CCDC85A: variants seen among roughly 807,000 people sequenced by gnomAD.
The protein encoded by CCDC85A is coiled-coil domain containing 85A.
Under a neutral mutation model 50.2 loss-of-function variants are expected in CCDC85A, and 38 were observed. The ratio of observed to expected loss-of-function variants is 0.76; its 90% CI spans 0.58 to 0.99. The LOEUF (loss-of-function observed/expected upper bound fraction) is 0.99, where lower values mean the gene tolerates loss of function less well. Among genes scored for constraint, CCDC85A ranks in the 50% least tolerant of loss-of-function variants. CCDC85A has a pLI of 0.00. For missense variants in CCDC85A, 820 were observed against 742.0 expected (o/e 1.11, Z -1.22); for synonymous variants, 366 against 301.4 (o/e 1.21, Z -2.22).
chr2:56,319,181 T>A (rs1034471236), intron 2 of CCDC85A, among the ~76,000 whole-genome samples: 3 of 152,094 alleles, frequency 2.0e-5, no homozygotes, highest in Admixed American at 2.0e-4. Flanking sequence ...TCTTTGGTGA[T>A]TTACACATAG....
At chr2:56,303,853 G>T (rs1352376505) in intron 2 of CCDC85A, among the ~76,000 whole-genome samples, 2 of 152,140 alleles carry the variant, frequency 1.3e-5, no homozygotes, top group Non-Finnish European at 1.5e-5. Flanking sequence ...CAATATGTTG[G>T]TTGATGTGAG....
In CCDC85A at chr2:56,184,022, T is replaced by G. The variant is rs960490; in HGVS notation, c.-603T>G. The G allele has an allele frequency of 3.0e-6, 3 of 985,322 alleles. No homozygotes were observed. The highest frequency in any genetic ancestry group is 2.4e-6 in the Non-Finnish European group (2 of 830,004). The allele number at this position is 985,322 out of a possible 1,614,324, so 61.0% of individuals were successfully genotyped here. On this transcript the variant is annotated 5_prime_UTR_variant, in exon 1 of 6. Transcript: ENST00000407595. The stretch of plus-strand genomic sequence containing the variant: ...ACTCCGCTCTGCAAATCGAAGGCTT[T>G]CCGGAGCAGCCTAGGAGCGGCCGCG...
intron 3 of CCDC85A, among the ~76,000 whole-genome samples, chr2:56,358,279 T>A (rs1176526635): frequency 6.6e-6 from 1 of 152,254 alleles, no homozygotes; most frequent in Non-Finnish European, 1.5e-5. Flanking sequence ...AGAGTTCATT[T>A]CTTTAATAAT....
chr2:56,330,555 C>T (rs1673734744), intron 2 of CCDC85A, among the ~76,000 whole-genome samples: 1 of 152,160 alleles, frequency 6.6e-6, no homozygotes, highest in Admixed American at 6.5e-5. Context: ...TGTAGTAGCA[C>T]ATAGCACTGT....
At chr2:56,251,087 C>T (rs182580487) in intron 2 of CCDC85A, among the ~76,000 whole-genome samples, 1 of 152,276 alleles carries the variant, frequency 6.6e-6, no homozygotes, top group African/African-American at 2.4e-5. Context: ...CTGTATGTTT[C>T]ATCAGTTCTT....
At chr2:56,320,484 A>G (rs1036392562) in intron 2 of CCDC85A, among the ~76,000 whole-genome samples, 1 of 152,196 alleles carries the variant, frequency 6.6e-6, no homozygotes, top group African/African-American at 2.4e-5. Flanking sequence ...CAGAAATACA[A>G]ACTACCATCA....
chr2:56,356,968 ATT>A (rs1675267415), intron 3 of CCDC85A, among the ~76,000 whole-genome samples: 1 of 151,446 alleles, frequency 6.6e-6, no homozygotes, highest in Non-Finnish European at 1.5e-5. Flanking sequence ...AGTCCCAGCT[ATT>A]CGGGAGGTTG....
Position 56,184,309 on chromosome 2 carries a change from C to A in CCDC85A, c.-316C>A. On this transcript the variant is annotated 5_prime_UTR_variant, in exon 1 of 6. Transcript: ENST00000407595. The stretch of plus-strand genomic sequence containing the variant: ...AACGGCGGTGCAGCTCCCCCGCTGT[C>A]CCCGAGGATTTCCCGCGGCAGCCCC... The A allele has an allele frequency of 1.6e-6, 1 of 639,788 alleles. No homozygotes were observed. Among genetic ancestry groups the A allele is most frequent in the Non-Finnish European group, 2.1e-6 (1 of 485,170 alleles). 39.6% of individuals were successfully genotyped at this position (639,788 alleles called of 1,614,324 possible). A position where few individuals can be genotyped will look rare whatever the true frequency, so the allele number is the denominator to read the frequency against.
At chr2:56,197,316 A>AAC (rs1278696890) in intron 2 of CCDC85A, among the ~76,000 whole-genome samples, 2 of 151,334 alleles carry the variant, frequency 1.3e-5, no homozygotes, top group Non-Finnish European at 2.9e-5. Context: ...ACCTCTGAGC[A>AAC]TCCCCCTAGT....
At chr2:56,269,939 C>T (rs534093213) in intron 2 of CCDC85A, among the ~76,000 whole-genome samples, 4 of 152,282 alleles carry the variant, frequency 2.6e-5, no homozygotes, top group East Asian at 1.9e-4. Flanking sequence ...ACATAGCTGT[C>T]GGTTGTTCTG....
chr2:56,378,026 A>G (rs1031087324), intron 5 of CCDC85A, among the ~76,000 whole-genome samples: 1 of 152,194 alleles, frequency 6.6e-6, no homozygotes, highest in African/African-American at 2.4e-5. Context: ...GGGACCCTTG[A>G]ATATCAAATG....
At chr2:56,358,431 G>T (rs1003177506) in intron 3 of CCDC85A, among the ~76,000 whole-genome samples, 2 of 152,128 alleles carry the variant, frequency 1.3e-5, no homozygotes, top group Non-Finnish European at 2.9e-5. Context: ...TAAGCACCTA[G>T]CCTCCTTCTC....
intron 2 of CCDC85A, among the ~76,000 whole-genome samples, chr2:56,337,876 C>T (rs544259754): frequency 6.6e-6 from 1 of 152,116 alleles, no homozygotes; most frequent in Admixed American, 6.5e-5. Flanking sequence ...CCTCCGCCTC[C>T]CGGGTTCAAG....
intron 2 of CCDC85A, among the ~76,000 whole-genome samples, chr2:56,260,781 C>A (rs1320779552): frequency 6.6e-6 from 1 of 152,116 alleles, no homozygotes; most frequent in Non-Finnish European, 1.5e-5. Context: ...AGGAAAAGGT[C>A]ATTTAGACAT....
chr2:56,294,501 T>C (rs1439710840), intron 2 of CCDC85A, among the ~76,000 whole-genome samples: 2 of 152,224 alleles, frequency 1.3e-5, no homozygotes, highest in East Asian at 1.9e-4. Flanking sequence ...TCTGTAGGAA[T>C]GGTTAAGGCC....
At chr2:56,336,072 A>G (rs770951845) in intron 2 of CCDC85A, among the ~76,000 whole-genome samples, 2 of 152,204 alleles carry the variant, frequency 1.3e-5, no homozygotes, top group Non-Finnish European at 1.5e-5. Flanking sequence ...ATTCTTAGAG[A>G]GCCACATAAA....
intron 2 of CCDC85A, among the ~76,000 whole-genome samples, chr2:56,219,422 G>T (rs1004675808): frequency 5.9e-5 from 9 of 151,498 alleles, no homozygotes; most frequent in Non-Finnish European, 1.5e-5. Flanking sequence ...TTGAGTTACC[G>T]TTGACATATA....
chr2:56,381,389 T>C (rs187122367), intron 5 of CCDC85A, among the ~76,000 whole-genome samples: 158 of 152,230 alleles, frequency 1.0e-3, no homozygotes, highest in African/African-American at 3.5e-3. Context: ...TAGGAACTGT[T>C]GGACTAGAAG....
chr2:56,326,593 A>C (rs1673483258), intron 2 of CCDC85A, among the ~76,000 whole-genome samples: 1 of 152,124 alleles, frequency 6.6e-6, no homozygotes. Flanking sequence ...CTGGGTGAAC[A>C]CATTTAGGTT....
Sources: gnomAD v4.1 joint callset for allele counts (sites outside exome capture counted in the v4.1 genomes callset) on GRCh38, gnomAD v4.1.1 for gene constraint, MANE v1.5 for transcripts, NCBI Gene and HGNC (gene_info 2026-07-23, HGNC 2026-07-21) for gene names.